The following GATAD2A variants were observed in gnomAD, a reference collection of about 807,000 sequenced individuals.
GATAD2A encodes GATA zinc finger domain containing 2A.
In GATAD2A, 12 loss-of-function variants were observed where a neutral mutation model predicts 68.5. The observed-to-expected ratio is 0.18, with a 90% CI of 0.11 to 0.28. The LOEUF (loss-of-function observed/expected upper bound fraction) is 0.28, where lower values mean the gene tolerates loss of function less well. GATAD2A is among the 10% of genes least tolerant of loss of function. The pLI, the probability that GATAD2A is intolerant of heterozygous loss-of-function variation, is 1.00. For missense variants in GATAD2A, 755 were observed against 868.5 expected (o/e 0.87, Z 1.64); for synonymous variants, 410 against 375.3 (o/e 1.09, Z -1.07).
chr19:19,499,445 A>ATGG (rs2060374685), intron 8 of GATAD2A, among the ~76,000 whole-genome samples: 1 of 152,064 alleles, frequency 6.6e-6, no homozygotes, highest in East Asian at 1.9e-4. Context: ...TGAGGGGCCC[A>ATGG]GGGCAGGGGC....
intron 2 of GATAD2A, among the ~76,000 whole-genome samples, chr19:19,468,179 A>C (rs1463673240): frequency 4.6e-5 from 7 of 152,244 alleles, no homozygotes. Context: ...GCCTGGAGCT[A>C]TTCCTATGCC....
intron 1 of GATAD2A, among the ~76,000 whole-genome samples, chr19:19,445,196 C>CCTGATGG (rs915849470): frequency 1.3e-5 from 2 of 152,034 alleles, no homozygotes; most frequent in Admixed American, 6.6e-5. Flanking sequence ...GGCTGCCTAC[C>CCTGATGG]CTGATGGCTG....
At chr19:19,491,007 C>T (rs1042232227) in intron 2 of GATAD2A, among the ~76,000 whole-genome samples, 1 of 152,194 alleles carries the variant, frequency 6.6e-6, no homozygotes, top group Non-Finnish European at 1.5e-5. Flanking sequence ...GTTGGGTCAG[C>T]GACACCACAG....
At chr19:19,388,139 C>A (rs1212368454) in intron 1 of GATAD2A, among the ~76,000 whole-genome samples, 1 of 151,354 alleles carries the variant, frequency 6.6e-6, no homozygotes, top group South Asian at 2.1e-4. Context: ...CTCACCGCAA[C>A]CTCCGCCTCC....
At position 19,505,380 on chromosome 19, in the gene GATAD2A, T is replaced by C. The variant is rs781202924; in HGVS notation, c.1811T>C (p.Val604Ala). Residue 604 changes from valine to alanine, a missense_variant, in exon 12 of 12, where the codon GTG (valine) becomes GCG (alanine). Val to Ala is a moderately conservative substitution (Grantham distance 64). Coordinates refer to ENST00000683918, the MANE Select transcript of GATAD2A (RefSeq NM_001384528.1). ...GCGTTTGTCAGCCCAAGCCTGGCGG[T>C]GCACAAGAGCTCCTCGGCCGTGGAC... ...TLAFVSPSLA[V>A]HKSSSAVDRQ... 31 of 1,613,098 alleles carry C rather than the reference T, an allele frequency of 1.9e-5. No individual in the cohort carries two copies. The highest frequency in any genetic ancestry group is 2.5e-5 in the Non-Finnish European group (29 of 1,179,690).
intron 1 of GATAD2A, among the ~76,000 whole-genome samples, chr19:19,386,845 C>A (rs2048467103): frequency 6.6e-6 from 1 of 152,114 alleles, no homozygotes; most frequent in African/African-American, 2.4e-5. Flanking sequence ...ATCCCCAACT[C>A]TTTGAGAATT....
At chr19:19,488,699 T>C (rs1600264348) in intron 2 of GATAD2A, among the ~76,000 whole-genome samples, 1 of 151,770 alleles carries the variant, frequency 6.6e-6, no homozygotes, top group East Asian at 1.9e-4. Context: ...GGTCAGGGAG[T>C]GGGGGTGGTG....
chr19:19,485,716 A>G (rs1306711889), intron 2 of GATAD2A, among the ~76,000 whole-genome samples: 2 of 152,312 alleles, frequency 1.3e-5, no homozygotes, highest in East Asian at 3.9e-4. Flanking sequence ...CTATGAGTAG[A>G]TGCAGCCAGA....
intron 2 of GATAD2A, among the ~76,000 whole-genome samples, chr19:19,475,329 G>A (rs1322993886): frequency 3.9e-5 from 6 of 152,238 alleles, no homozygotes; most frequent in Admixed American, 3.9e-4. Context: ...TCTTGGCAGG[G>A]ATTGAACCCC....
At chr19:19,472,172 T>C (rs1044046524) in intron 2 of GATAD2A, among the ~76,000 whole-genome samples, 3 of 151,834 alleles carry the variant, frequency 2.0e-5, no homozygotes, top group Admixed American at 1.3e-4. Context: ...GCTGGGATTA[T>C]AGATGAGCCA....
intron 1 of GATAD2A, among the ~76,000 whole-genome samples, chr19:19,411,871 G>A (rs1213428481): frequency 6.6e-6 from 1 of 152,156 alleles, no homozygotes; most frequent in East Asian, 1.9e-4. Context: ...CACATATAAT[G>A]TAACACTCAG....
intron 1 of GATAD2A, among the ~76,000 whole-genome samples, chr19:19,393,911 C>CA (rs200348230): frequency 0.019 from 2,817 of 150,178 alleles, 54 homozygotes; most frequent in Non-Finnish European, 0.027. Context: ...TTTTTGGAGA[C>CA]AGTCTTGCTC....
intron 1 of GATAD2A, chr19:19,434,956 G>A (rs2054157157): frequency 8.1e-6 from 3 of 368,780 alleles, no homozygotes; most frequent in South Asian, 6.0e-5. Context: ...ACCTAGCACT[G>A]CCTTCACCAG....
At position 19,505,573 on chromosome 19, in the gene GATAD2A, A is replaced by G; in HGVS notation, c.*99A>G. 2 of 1,091,854 alleles carry G rather than the reference A, an allele frequency of 1.8e-6. No individual in the cohort carries two copies. The highest frequency in any genetic ancestry group is 2.6e-6 in the Non-Finnish European group (2 of 783,114). 67.6% of individuals were successfully genotyped at this position (1,091,854 alleles called of 1,614,324 possible). On this transcript the variant is annotated 3_prime_UTR_variant, in exon 12 of 12. Coordinates refer to ENST00000683918, the MANE Select transcript of GATAD2A (RefSeq NM_001384528.1). The stretch of plus-strand genomic sequence containing the variant: ...CCACCCTCCGCTGGCTCGGGAAGAC[A>G]CCGTGCCCGCCCCAAGAGCAAGCAC...
chr19:19,444,839 C>T (rs2055516804), intron 1 of GATAD2A, among the ~76,000 whole-genome samples: 1 of 148,396 alleles, frequency 6.7e-6, no homozygotes, highest in Non-Finnish European at 1.5e-5. Context: ...GCTCTGCACT[C>T]CAGCCTGGAC....
chr19:19,462,308 C>T (rs1163880640), intron 1 of GATAD2A, among the ~76,000 whole-genome samples: 1 of 152,178 alleles, frequency 6.6e-6, no homozygotes, highest in East Asian at 1.9e-4. Context: ...CTGTGGTGGC[C>T]GAGGATTGGC....
intron 2 of GATAD2A, among the ~76,000 whole-genome samples, chr19:19,482,177 G>T (rs549281208): frequency 6.6e-6 from 1 of 152,306 alleles, no homozygotes; most frequent in East Asian, 1.9e-4. Flanking sequence ...GCCGAGGTGG[G>T]CAGATCACTT....
intron 2 of GATAD2A, among the ~76,000 whole-genome samples, chr19:19,475,270 GC>G (rs2058596930): frequency 6.6e-6 from 1 of 152,248 alleles, no homozygotes; most frequent in South Asian, 2.1e-4. Context: ...GGTTCTCATA[GC>G]CCAGGGACAT....
intron 2 of GATAD2A, among the ~76,000 whole-genome samples, chr19:19,475,796 C>T (rs2058640765): frequency 6.6e-6 from 1 of 152,172 alleles, no homozygotes; most frequent in South Asian, 2.1e-4. Context: ...CCTGCAGGCT[C>T]CTCATCCAAT....
Sources: gnomAD v4.1 joint callset for allele counts (sites outside exome capture counted in the v4.1 genomes callset) on GRCh38, gnomAD v4.1.1 for gene constraint, MANE v1.5 for transcripts, NCBI Gene and HGNC (gene_info 2026-07-23, HGNC 2026-07-21) for gene names.